The following BAIAP2L1 variants were observed in gnomAD, a reference collection of about 807,000 sequenced individuals.
BAIAP2L1 encodes BAR/IMD domain containing adaptor protein 2 like 1.
Under a neutral mutation model 66.3 loss-of-function variants are expected in BAIAP2L1, and 35 were observed. The ratio of observed to expected loss-of-function variants is 0.53; its 90% CI spans 0.40 to 0.70. The LOEUF is 0.70. Ranked by LOEUF, BAIAP2L1 falls within the 30% of genes least tolerant of loss-of-function variation. The pLI, the probability that BAIAP2L1 is intolerant of heterozygous loss-of-function variation, is 0.00. For missense variants in BAIAP2L1, 622 were observed against 656.9 expected (o/e 0.95, Z 0.58); for synonymous variants, 269 against 248.7 (o/e 1.08, Z -0.77).
At chr7:98,387,256 A>G (rs912781209) in intron 1 of BAIAP2L1, among the ~76,000 whole-genome samples, 2 of 152,158 alleles carry the variant, frequency 1.3e-5, no homozygotes, top group African/African-American at 4.8e-5. Flanking sequence ...TGTCACAGCT[A>G]TAAACTCTGG....
chr7:98,370,011 C>T (rs1360426855), intron 1 of BAIAP2L1, among the ~76,000 whole-genome samples: 1 of 151,996 alleles, frequency 6.6e-6, no homozygotes, highest in Non-Finnish European at 1.5e-5. Context: ...ACATATAACC[C>T]TAACATCTTA....
At chr7:98,293,900 C>T (rs1406069793) in intron 13 of BAIAP2L1, among the ~76,000 whole-genome samples, 174 bp downstream of exon 13, 4 of 152,198 alleles carry the variant, frequency 2.6e-5, no homozygotes, top group Admixed American at 6.5e-5. Flanking sequence ...CTGCTCCCAG[C>T]GTGGTCTAAA....
At position 98,377,048 on chromosome 7, in the gene BAIAP2L1, T is replaced by A. The variant is rs527293970; in HGVS notation, c.52-14616A>T. 6.6e-5 allele frequency among the ~76,000 whole-genome samples: 10 copies of A among 152,304 alleles called. No homozygotes were observed. The East Asian group carries it at 1.9e-3, about 29-fold the overall frequency. On this transcript the variant is annotated intron_variant, in intron 1 of 13. Transcript: ENST00000005260. ...GAGGTTTCCCTAAGGAAGAAGATAT[T>A]CTGCTTAAGGGCTACAGAGTCAGCT... is the stretch of plus-strand genomic sequence containing the variant.
intron 11 of BAIAP2L1, 43 bp from the exon 12 acceptor site, chr7:98,304,419 A>C: frequency 6.3e-7 from 1 of 1,598,548 alleles, no homozygotes; most frequent in African/African-American, 1.3e-5. Flanking sequence ...ATAATGTCTC[A>C]CCACCAAACC....
intron 3 of BAIAP2L1, among the ~76,000 whole-genome samples, chr7:98,329,163 G>A (rs1940339889): frequency 6.6e-6 from 1 of 152,134 alleles, no homozygotes; most frequent in African/African-American, 2.4e-5. Context: ...CTTAGAGGTC[G>A]TCACTCCCTT....
At chr7:98,357,049 A>T (rs1379958614) in intron 2 of BAIAP2L1, among the ~76,000 whole-genome samples, 24 of 12,612 alleles carry the variant, frequency 1.9e-3, no homozygotes, top group South Asian at 7.8e-3. Context: ...ATATATATAT[A>T]TTTTTTTTTT....
At chr7:98,332,517 CA>C (rs1801520944) in intron 3 of BAIAP2L1, among the ~76,000 whole-genome samples, 1 of 143,762 alleles carries the variant, frequency 7.0e-6, no homozygotes, top group African/African-American at 2.6e-5. Flanking sequence ...AAAAGTATAA[CA>C]AAGTATACAG....
intron 1 of BAIAP2L1, among the ~76,000 whole-genome samples, chr7:98,383,040 G>A (rs991113889): frequency 8.6e-5 from 13 of 152,022 alleles, no homozygotes; most frequent in South Asian, 6.2e-4. Flanking sequence ...GCACGTGCCT[G>A]TAATCCCAGC....
intron 1 of BAIAP2L1, among the ~76,000 whole-genome samples, chr7:98,393,498 ATTTAT>A (rs1803121148): frequency 6.6e-6 from 1 of 151,438 alleles, no homozygotes. Flanking sequence ...TAACTTTTCT[ATTTAT>A]TTATTTTTTT....
At chr7:98,355,275 G>A in intron 2 of BAIAP2L1, 147 bp from the exon 3 acceptor site, 2 of 647,590 alleles carry the variant, frequency 3.1e-6, no homozygotes, top group African/African-American at 3.6e-5. Context: ...GGTAAGACCT[G>A]TGTTGAGAGT....
chr7:98,315,366 G>A (rs187886891), intron 7 of BAIAP2L1, 94 bp downstream of exon 7: 12,129 of 1,210,336 alleles, frequency 0.01, 61 homozygotes, highest in Non-Finnish European at 0.011. Flanking sequence ...AAAGTGCTGG[G>A]ATTACAGGCG....
intron 3 of BAIAP2L1, among the ~76,000 whole-genome samples, chr7:98,338,700 C>T (rs1297982920): frequency 2.0e-5 from 3 of 152,034 alleles, no homozygotes; most frequent in African/African-American, 7.2e-5. Flanking sequence ...TTTGTTTTTC[C>T]ACTTATCAGC....
chr7:98,381,476 C>T (rs1276291869), intron 1 of BAIAP2L1, among the ~76,000 whole-genome samples: 1 of 152,178 alleles, frequency 6.6e-6, no homozygotes, highest in Non-Finnish European at 1.5e-5. Context: ...TCCCTAGCAA[C>T]GTGGCCTGAG....
chr7:98,335,152 CAAAAAAAAAAAAAAA>C (rs59557441), intron 3 of BAIAP2L1, among the ~76,000 whole-genome samples: 2 of 54,712 alleles, frequency 3.7e-5, no homozygotes, highest in African/African-American at 5.7e-5. Context: ...GACTCCATCT[CAAAAAAAAAAAAAAA>C]AAAAAAAAAA....
intron 2 of BAIAP2L1, among the ~76,000 whole-genome samples, chr7:98,358,695 C>T (rs1375498577): frequency 6.6e-6 from 1 of 152,076 alleles, no homozygotes; most frequent in Non-Finnish European, 1.5e-5. Flanking sequence ...CTTCATCAGT[C>T]TAGACCAATC....
chr7:98,295,724 G>A (rs561633360), intron 12 of BAIAP2L1, among the ~76,000 whole-genome samples: 7 of 151,998 alleles, frequency 4.6e-5, no homozygotes, highest in African/African-American at 1.5e-4. Flanking sequence ...AGGGGAAGGC[G>A]CTTCCCAAAC....
At chr7:98,344,788 T>C (rs181071623) in intron 3 of BAIAP2L1, among the ~76,000 whole-genome samples, 32 of 152,136 alleles carry the variant, frequency 2.1e-4, no homozygotes, top group African/African-American at 7.2e-4. Flanking sequence ...TGCAAAAAAT[T>C]AGCCAGGCGT....
intron 3 of BAIAP2L1, among the ~76,000 whole-genome samples, chr7:98,354,229 A>G (rs1361745437): frequency 6.6e-6 from 1 of 151,670 alleles, no homozygotes; most frequent in Non-Finnish European, 1.5e-5. Flanking sequence ...AAACAATCCT[A>G]AAAACCCTCA....
intron 1 of BAIAP2L1, among the ~76,000 whole-genome samples, chr7:98,369,716 G>C (rs1168313685): frequency 7.0e-6 from 1 of 142,954 alleles, no homozygotes; most frequent in African/African-American, 2.6e-5. Context: ...CTGTCGCCCA[G>C]GCTGGAGTGC....
Sources: allele counts gnomAD v4.1 joint callset (sites outside exome capture counted in the v4.1 genomes callset), GRCh38; gene constraint gnomAD v4.1.1; transcripts MANE v1.5; gene names NCBI Gene and HGNC (gene_info 2026-07-23, HGNC 2026-07-21).